CAPN5: variants seen among roughly 807,000 people sequenced by gnomAD.
The protein encoded by CAPN5 is calpain 5, also known as calpain-5.
A neutral mutation model predicts 73.0 loss-of-function variants in CAPN5; 54 were observed. The observed-to-expected ratio is 0.74, with a 90% CI of 0.59 to 0.93. The LOEUF (loss-of-function observed/expected upper bound fraction) is 0.93, where lower values mean the gene tolerates loss of function less well. Among genes scored for constraint, CAPN5 ranks in the 40% least tolerant of loss-of-function variants. CAPN5 has a pLI of 0.00. For synonymous variants in CAPN5, 335 were observed against 356.9 expected (o/e 0.94, Z 0.69); for missense variants, 785 against 882.9 (o/e 0.89, Z 1.41).
chr11:77,099,812 A>T (rs1290434127), intron 3 of CAPN5, among the ~76,000 whole-genome samples: 1 of 151,278 alleles, frequency 6.6e-6, no homozygotes, highest in Admixed American at 6.6e-5. Flanking sequence ...TTTTTTTTCC[A>T]CTTGGTGTTA....
At chr11:77,103,248 AAGGT>A (rs1950307710) in intron 3 of CAPN5, 1 of 1,613,374 alleles carries the variant, frequency 6.2e-7, no homozygotes, top group Non-Finnish European at 8.5e-7. Flanking sequence ...CAAGATCCGC[AAGGT>A]CATGTACTTC....
intron 3 of CAPN5, among the ~76,000 whole-genome samples, chr11:77,109,570 C>T (rs1050296826): frequency 1.3e-5 from 2 of 152,168 alleles, no homozygotes; most frequent in African/African-American, 2.4e-5. Flanking sequence ...TTCCTGAATC[C>T]TTTGACATGG....
chr11:77,112,826 G>A, intron 4 of CAPN5, 29 bp downstream of exon 4: 2 of 1,608,190 alleles, frequency 1.2e-6, no homozygotes, highest in Non-Finnish European at 1.7e-6. Context: ...CAGGTGGGTG[G>A]GAGGCCCAGA....
intron 11 of CAPN5, 29 bp from the exon 12 acceptor site, chr11:77,122,547 T>G: frequency 8.8e-4 from 405 of 458,734 alleles, no homozygotes; most frequent in Non-Finnish European, 1.3e-3. Flanking sequence ...ACCCCCACCC[T>G]CACCCCATCT....
intron 3 of CAPN5, among the ~76,000 whole-genome samples, chr11:77,111,687 A>G (rs1565274395): frequency 1.3e-5 from 2 of 150,524 alleles, no homozygotes; most frequent in Non-Finnish European, 2.9e-5. Context: ...TGAGACCTAT[A>G]TGGCCCTGCC....
chr11:77,105,267 C>T (rs1199222088), intron 3 of CAPN5, among the ~76,000 whole-genome samples: 1 of 152,030 alleles, frequency 6.6e-6, no homozygotes, highest in Non-Finnish European at 1.5e-5. Context: ...CTCACGGCCC[C>T]GAGCACTTGC....
rs201372363 is a variant in CAPN5, at chr11:77,123,799, C to T, written c.1852C>T (p.Arg618Trp). Residue 618 changes from arginine (R) to tryptophan (W), a missense_variant, in exon 13 of 13, where the codon CGG becomes TGG. Physicochemically the swap from Arg to Trp is moderately radical, Grantham distance 101 (BLOSUM62 -3). Coordinates refer to ENST00000648180, the MANE Select transcript of CAPN5 (RefSeq NM_004055.5). Reference sequence around the variant, plus strand: ...CCTCCACCTCCGGGACCGAAATAGCCGGCAGCCCAGCAACCTGCCAGGCAC... The same window carrying T: ...CCTCCACCTCCGGGACCGAAATAGCTGGCAGCCCAGCAACCTGCCAGGCAC... ...HTLHLRDRNS[R>W]QPSNLPGTVA... 58 of 1,613,788 alleles carry T rather than the reference C, an allele frequency of 3.6e-5. No individual in the cohort carries two copies. The highest frequency in any genetic ancestry group is 7.7e-5 in the South Asian group (7 of 91,074).
chr11:77,102,734 A>C, intron 3 of CAPN5: 1 of 1,304,502 alleles, frequency 7.7e-7, no homozygotes, highest in South Asian at 1.5e-5. Flanking sequence ...GGGAAGAGGG[A>C]AGGGCAGAAA....
chr11:77,085,899 T>C (rs1950081127), intron 2 of CAPN5, among the ~76,000 whole-genome samples: 1 of 152,176 alleles, frequency 6.6e-6, no homozygotes. Flanking sequence ...CCCCTCACAA[T>C]GCGGGAGACC....
intron 2 of CAPN5, among the ~76,000 whole-genome samples, chr11:77,088,638 A>C (rs6592703): frequency 0.93 from 140,869 of 152,140 alleles, 65,312 homozygotes; most frequent in Middle Eastern, 0.96. Flanking sequence ...TAGTTCATTC[A>C]TTCTGTGATC....
rs782644843 is a variant in CAPN5, at chr11:77,112,777, A to T, written c.486A>T (p.Leu162=). ...CCCGCAATGAGTTTTGGTGCGCCCT[A>T]GTGGAGAAGGCCTATGCCAAGTAGG... ...SNSRNEFWCA[L]VEKAYAKLAG... is the part of the protein sequence containing the mutation. The change falls in exon 4 of 13, where the codon CTA becomes CTT. Residue 162 remains leucine (L), a synonymous_variant. Transcript: ENST00000648180. The T allele has an allele frequency of 6.2e-7, 1 of 1,614,202 alleles. No individual in the cohort carries two copies. The highest frequency in any genetic ancestry group is 1.1e-5 in the South Asian group (1 of 91,076).
intron 3 of CAPN5, among the ~76,000 whole-genome samples, chr11:77,104,257 G>A (rs1362866081): frequency 6.6e-6 from 1 of 152,184 alleles, no homozygotes; most frequent in Non-Finnish European, 1.5e-5. Context: ...TGCCTTGAGG[G>A]AAGTTGGAGC....
intron 1 of CAPN5, among the ~76,000 whole-genome samples, chr11:77,069,101 T>C (rs1451548772): frequency 3.3e-5 from 5 of 152,166 alleles, no homozygotes; most frequent in Non-Finnish European, 7.4e-5. Context: ...GCCTAAATCA[T>C]GTGTCTGTTC....
At chr11:77,094,962 A>G (rs546488352) in intron 3 of CAPN5, among the ~76,000 whole-genome samples, 25 of 152,054 alleles carry the variant, frequency 1.6e-4, no homozygotes, top group African/African-American at 5.3e-4. Flanking sequence ...CAAGGCTGAG[A>G]CTCTGGTAGG....
chr11:77,115,407 G>A lies in CAPN5; in HGVS notation c.712G>A (p.Ala238Thr). 1 of 1,602,926 alleles carries A rather than the reference G, an allele frequency of 6.2e-7. No individual in the cohort carries two copies. Residue 238 changes from alanine (A) to threonine (T), a missense_variant, in exon 6 of 13, where the codon GCT becomes ACT. By Grantham distance (58) the Ala-to-Thr change is moderately conservative. Coordinates refer to ENST00000648180, the MANE Select transcript of CAPN5 (RefSeq NM_004055.5). ...TGTCCCTCCACAGGCAGTGACAGCA[G>A]CTGACATGGAGGCCCGCCTGGCGTG... Reference protein sequence around the residue: ...ISASIKAVTAADMEARLACGL... With the variant: ...ISASIKAVTATDMEARLACGL...
At chr11:77,118,525 A>T (rs542475556) in intron 8 of CAPN5, among the ~76,000 whole-genome samples, 173 bp downstream of exon 8, 1 of 152,212 alleles carries the variant, frequency 6.6e-6, no homozygotes, top group Non-Finnish European at 1.5e-5. Context: ...TCTGGGGGTC[A>T]TGAAGCCCCC....
intron 6 of CAPN5, among the ~76,000 whole-genome samples, chr11:77,115,826 C>G (rs782813718): frequency 6.6e-6 from 1 of 151,946 alleles, no homozygotes; most frequent in African/African-American, 2.4e-5. Flanking sequence ...TGAGTGGGTG[C>G]GGGAGGGGAG....
chr11:77,084,174 T>C (rs1950057158), intron 1 of CAPN5, among the ~76,000 whole-genome samples: 1 of 152,242 alleles, frequency 6.6e-6, no homozygotes. Flanking sequence ...CTGACCATGT[T>C]GGTCCAGTCT....
intron 5 of CAPN5, among the ~76,000 whole-genome samples, chr11:77,115,025 T>C (rs1466461768): frequency 6.6e-6 from 1 of 151,650 alleles, no homozygotes; most frequent in African/African-American, 2.4e-5. Context: ...ATCGCGCCAT[T>C]GCACTCCAGC....
Sources: allele counts gnomAD v4.1 joint callset (sites outside exome capture counted in the v4.1 genomes callset), GRCh38; gene constraint gnomAD v4.1.1; transcripts MANE v1.5; gene names NCBI Gene and HGNC (gene_info 2026-07-23, HGNC 2026-07-21).